Variants in PIEZO2 observed in about 807,000 individuals in gnomAD.
The protein encoded by PIEZO2 is piezo type mechanosensitive ion channel component 2, also known as piezo-type mechanosensitive ion channel component 2.
In PIEZO2, 172 loss-of-function variants were observed where a neutral mutation model predicts 337.3. That is an observed-to-expected ratio of 0.51 (90% confidence interval 0.45 to 0.58). PIEZO2 has a LOEUF of 0.58. Ranked by LOEUF, PIEZO2 falls within the 20% of genes least tolerant of loss-of-function variation. The pLI, the probability that PIEZO2 is intolerant of heterozygous loss-of-function variation, is 0.00. For missense variants in PIEZO2, 3,028 were observed against 3,391.3 expected (o/e 0.89, Z 2.66); for synonymous variants, 1,251 against 1,228.5 (o/e 1.02, Z -0.38).
At chr18:11,100,950 C>T (rs1598960706) in intron 1 of PIEZO2, among the ~76,000 whole-genome samples, 1 of 152,098 alleles carries the variant, frequency 6.6e-6, no homozygotes, top group Admixed American at 6.5e-5. Context: ...TGGGGTCATA[C>T]GAAGAAGGGC....
rs2040153339 is a variant in PIEZO2, at chr18:11,125,312, C to T, written c.64+23213G>A. Among the ~76,000 whole-genome samples the T allele has an allele frequency of 1.3e-5, 2 of 152,190 alleles. No homozygotes were observed. Among genetic ancestry groups the T allele is most frequent in the Admixed American group, 1.3e-4 (2 of 15,276 alleles). On this transcript the variant is annotated intron_variant, in intron 1 of 55. Coordinates refer to ENST00000674853, the MANE Select transcript of PIEZO2 (RefSeq NM_001378183.1). The surrounding 1 kb of genome is among the most constrained non-coding windows in gnomAD (Gnocchi z 4.4). ...GTTTTAAAAACTACGATGTGTCCGA[C>T]AAAAGACAGTGCTGTTAAGTCATCA...
chr18:10,744,275 T>C lies in PIEZO2; in HGVS notation c.4425-44A>G, dbSNP rs150286626. The C allele has an allele frequency of 0.023, 28,446 of 1,236,188 alleles. 526 individuals are homozygous for C. Among genetic ancestry groups the C allele is most frequent in the South Asian group, 0.061 (4,719 of 77,004 alleles). The allele number at this position is 1,236,188 out of a possible 1,614,324, so 76.6% of individuals were successfully genotyped here. On this transcript the variant is annotated intron_variant, in intron 30 of 55. Transcript: ENST00000674853. ...CATGAACAAGTCAATATTCTTGCCA[T>C]TGTTGTTCCCCTTTTCCTGAAAATT...
rs1369568398 is a variant in PIEZO2 at position 11,078,147 on chromosome 18, C to A, written c.65-11925G>T. On this transcript the variant is annotated intron_variant, in intron 1 of 55. Transcript: ENST00000674853. This position sits in a 1 kb window ranked among gnomAD's most constrained non-coding sequence, Gnocchi z 5.3. ...ATACACACACATACACACACACTCA[C>A]CACACACACACATACACACACCACA... Among the ~76,000 whole-genome samples the A allele has an allele frequency of 2.0e-5, 3 of 150,038 alleles. No homozygotes were observed. Among genetic ancestry groups the A allele is most frequent in the Admixed American group, 6.6e-5 (1 of 15,066 alleles).
intron 2 of PIEZO2, among the ~76,000 whole-genome samples, chr18:11,053,970 G>A (rs1315321700): frequency 1.3e-5 from 2 of 152,166 alleles, no homozygotes; most frequent in African/African-American, 2.4e-5. Flanking sequence ...GCTGCAGTGA[G>A]CCGAGATCAC....
At chr18:10,816,511 C>G (rs756731372) in intron 7 of PIEZO2, among the ~76,000 whole-genome samples, 1 of 152,044 alleles carries the variant, frequency 6.6e-6, no homozygotes, top group Non-Finnish European at 1.5e-5. Context: ...AATTATCAAT[C>G]AAAAATAATC....
Position 11,078,046 on chromosome 18 carries a change from CCACACACACA to C in PIEZO2, c.65-11834_65-11825del, listed in dbSNP as rs35766286. 8.8e-5 allele frequency among the ~76,000 whole-genome samples: 12 copies of C among 135,886 alleles called. No individual in the cohort carries two copies. Among genetic ancestry groups the C allele is most frequent in the South Asian group, 4.4e-4 (2 of 4,570 alleles). The allele number at this position is 135,886 out of a possible 152,430, so 89.1% of individuals were successfully genotyped here. ...TGCGTGCACACACACCCACACACACCCACACACACACACACACACACCACACACACAAAAA... is the reference window on the plus strand; with the variant it reads ...TGCGTGCACACACACCCACACACACCCACACACACACCACACACACAAAAA... On this transcript the variant is annotated intron_variant, in intron 1 of 55. Transcript: ENST00000674853. This position sits in a 1 kb window ranked among gnomAD's most constrained non-coding sequence, Gnocchi z 5.3.
intron 4 of PIEZO2, among the ~76,000 whole-genome samples, chr18:10,881,129 T>C (rs2042408462): frequency 6.6e-6 from 1 of 151,716 alleles, no homozygotes; most frequent in African/African-American, 2.4e-5. Flanking sequence ...TCTGTGAAAT[T>C]AGGTACCTTT....
chr18:10,884,150 T>C (rs2042505662), intron 4 of PIEZO2, among the ~76,000 whole-genome samples: 1 of 152,164 alleles, frequency 6.6e-6, no homozygotes, highest in Non-Finnish European at 1.5e-5. Flanking sequence ...TTACATGTAA[T>C]CGTGATGATG....
chr18:11,044,628 C>G (rs2037237116), intron 2 of PIEZO2, among the ~76,000 whole-genome samples: 2 of 152,186 alleles, frequency 1.3e-5, no homozygotes, highest in South Asian at 2.1e-4. Context: ...TTTTTCAAGC[C>G]TCTGTGTCAC....
chr18:10,892,720 A>G (rs1312391140), intron 4 of PIEZO2, among the ~76,000 whole-genome samples: 2 of 152,232 alleles, frequency 1.3e-5, no homozygotes, highest in African/African-American at 4.8e-5. Flanking sequence ...GCATGAAACA[A>G]TAAAGACCGC....
chr18:11,000,045 T>C (rs1408507747), intron 2 of PIEZO2, among the ~76,000 whole-genome samples: 3 of 152,224 alleles, frequency 2.0e-5, no homozygotes, highest in African/African-American at 7.2e-5. Context: ...GTCTACTTTC[T>C]ATTCCATTGG....
rs1021175879 is a variant in PIEZO2 at position 10,707,920 on chromosome 18, G to A, written c.5588+355C>T. Among the ~76,000 whole-genome samples, 1 of 152,118 alleles carries A rather than the reference G, an allele frequency of 6.6e-6. No homozygotes were observed. Among genetic ancestry groups the A allele is most frequent in the Admixed American group, 6.5e-5 (1 of 15,282 alleles). On this transcript the variant is annotated intron_variant, in intron 40 of 55. Coordinates refer to ENST00000674853, the MANE Select transcript of PIEZO2 (RefSeq NM_001378183.1). This position sits in a 1 kb window ranked among gnomAD's most constrained non-coding sequence, Gnocchi z 4.2. ...GAAGTTTTCTACCTTTGCAAACAGA[G>A]TTCCCCCTTTGAGTAGTGCCCTCAG...
intron 36 of PIEZO2, among the ~76,000 whole-genome samples, chr18:10,722,083 G>A (rs571416990): frequency 6.7e-6 from 1 of 150,202 alleles, no homozygotes; most frequent in African/African-American, 2.4e-5. Flanking sequence ...CTCGGGAGAC[G>A]GAGGTTGCAA....
chr18:11,051,763 T>C (rs1208778388), intron 2 of PIEZO2, among the ~76,000 whole-genome samples: 1 of 152,220 alleles, frequency 6.6e-6, no homozygotes, highest in Non-Finnish European at 1.5e-5. Context: ...TGGAAGGATG[T>C]TTCTGTAGTT....
In PIEZO2 at chr18:10,929,826, A is replaced by G. The variant is rs951827824; in HGVS notation, c.287-18598T>C. 1.3e-5 allele frequency among the ~76,000 whole-genome samples: 2 copies of G among 152,322 alleles called. No homozygotes were observed. The highest frequency in any genetic ancestry group is 2.9e-5 in the Non-Finnish European group (2 of 68,026). ...CTCCTTTATGGTGCTGTAAACAAAA[A>G]TAAAATTCTAAGGCCCCCAAGAGAC... On this transcript the variant is annotated intron_variant, in intron 3 of 55. Coordinates refer to ENST00000674853, the MANE Select transcript of PIEZO2 (RefSeq NM_001378183.1). This position sits in a 1 kb window ranked among gnomAD's most constrained non-coding sequence, Gnocchi z 5.6.
chr18:10,744,694 C>T (rs1296038746), intron 30 of PIEZO2, among the ~76,000 whole-genome samples: 2 of 152,202 alleles, frequency 1.3e-5, no homozygotes, highest in Admixed American at 1.3e-4. Flanking sequence ...CCAGTTCCTG[C>T]TCCATCTGTG....
chr18:11,071,488 G>A (rs2038337523), intron 1 of PIEZO2, among the ~76,000 whole-genome samples: 1 of 152,200 alleles, frequency 6.6e-6, no homozygotes, highest in African/African-American at 2.4e-5. Flanking sequence ...CCCTGCCTTT[G>A]GGAGCTGACG....
Position 10,856,942 on chromosome 18 carries a change from A to T in PIEZO2, c.703+59T>A. 1 of 1,415,996 alleles carries T rather than the reference A, an allele frequency of 7.1e-7. No homozygotes were observed. The highest frequency in any genetic ancestry group is 1.4e-5 in the African/African-American group (1 of 70,386). The allele number at this position is 1,415,996 out of a possible 1,614,324, so 87.7% of individuals were successfully genotyped here. Reference sequence around the variant, plus strand: ...CATTTCTTCTTCAACCATTTCTCTCATTCACCAAAGCACTGCTTGTGCCTT... The same window carrying T: ...CATTTCTTCTTCAACCATTTCTCTCTTTCACCAAAGCACTGCTTGTGCCTT... On this transcript the variant is annotated intron_variant, in intron 6 of 55. Transcript: ENST00000674853. This position sits in a 1 kb window ranked among gnomAD's most constrained non-coding sequence, Gnocchi z 4.7.
chr18:10,966,923 A>G (rs1200533654), intron 3 of PIEZO2, among the ~76,000 whole-genome samples: 1 of 151,480 alleles, frequency 6.6e-6, no homozygotes, highest in Non-Finnish European at 1.5e-5. Context: ...CTCCAATTCT[A>G]TCTAGGTTGA....
Sources: gnomAD v4.1 joint callset for allele counts (sites outside exome capture counted in the v4.1 genomes callset) on GRCh38, gnomAD v4.1.1 for gene constraint, Gnocchi (gnomAD v3.1) non-coding constraint, MANE v1.5 for transcripts, NCBI Gene and HGNC (gene_info 2026-07-23, HGNC 2026-07-21) for gene names.